Variants in GPC6 observed in about 807,000 individuals in gnomAD.
GPC6 encodes the protein glypican-6.
Under a neutral mutation model 55.2 loss-of-function variants are expected in GPC6, and 14 were observed. That is an observed-to-expected ratio of 0.25 (90% CI 0.17 to 0.40). The LOEUF (loss-of-function observed/expected upper bound fraction) is 0.40. Among genes scored for constraint, GPC6 ranks in the 10% least tolerant of loss-of-function variants. The pLI, the probability that GPC6 is intolerant of heterozygous loss-of-function variation, is 1.00. For synonymous variants in GPC6, 278 were observed against 259.6 expected (o/e 1.07, Z -0.68); for missense variants, 641 against 708.5 (o/e 0.90, Z 1.08).
At chr13:94,218,390 G>A (rs1390524204) in intron 4 of GPC6, among the ~76,000 whole-genome samples, 1 of 152,118 alleles carries the variant, frequency 6.6e-6, no homozygotes, top group Non-Finnish European at 1.5e-5. Context: ...ACTGCTTGAG[G>A]CTGAATCTTT....
intron 4 of GPC6, among the ~76,000 whole-genome samples, chr13:94,152,420 A>G (rs2138897941): frequency 6.6e-6 from 1 of 152,292 alleles, no homozygotes; most frequent in South Asian, 2.1e-4. Flanking sequence ...TAGATTAAAA[A>G]GTCACTCATT....
chr13:93,454,918 C>T (rs990001162), intron 1 of GPC6, among the ~76,000 whole-genome samples: 1 of 152,230 alleles, frequency 6.6e-6, no homozygotes, highest in South Asian at 2.1e-4. Flanking sequence ...CTGCAGGTCC[C>T]GAGCCCTGTC....
chr13:94,133,046 G>C (rs1209479668), intron 4 of GPC6, among the ~76,000 whole-genome samples: 3 of 152,084 alleles, frequency 2.0e-5, no homozygotes, highest in Non-Finnish European at 2.9e-5. Context: ...TCTAGCTTCT[G>C]AAATATTATT....
At chr13:93,494,014 A>T (rs1383082754) in intron 1 of GPC6, among the ~76,000 whole-genome samples, 1 of 128,794 alleles carries the variant, frequency 7.8e-6, no homozygotes, top group African/African-American at 2.9e-5. Context: ...TTTGTGGTGG[A>T]GAGTTCTGTA....
intron 1 of GPC6, among the ~76,000 whole-genome samples, chr13:93,251,984 A>G (rs1287258390): frequency 2.6e-5 from 4 of 152,144 alleles, no homozygotes; most frequent in Non-Finnish European, 4.4e-5. Flanking sequence ...TGTTGTTTTT[A>G]CCATCAGGAG....
chr13:93,232,245 G>T (rs1387251341), intron 1 of GPC6, among the ~76,000 whole-genome samples: 1 of 152,010 alleles, frequency 6.6e-6, no homozygotes, highest in Non-Finnish European at 1.5e-5. Context: ...CTGGTTCAAA[G>T]ATTTCTTATT....
chr13:93,970,159 T>A (rs1309803093), intron 3 of GPC6, among the ~76,000 whole-genome samples: 4 of 152,190 alleles, frequency 2.6e-5, no homozygotes, highest in East Asian at 1.9e-4. Flanking sequence ...ATAGAGTGTG[T>A]GCCTAAATTA....
chr13:93,411,237 C>T (rs1225547573), intron 1 of GPC6, among the ~76,000 whole-genome samples: 2 of 152,126 alleles, frequency 1.3e-5, no homozygotes, highest in Admixed American at 1.3e-4. Context: ...CAACAGACAC[C>T]ATACCTGCTG....
chr13:93,748,655 G>A (rs1383427138), intron 2 of GPC6, among the ~76,000 whole-genome samples: 1 of 151,974 alleles, frequency 6.6e-6, no homozygotes, highest in African/African-American at 2.4e-5. Flanking sequence ...ATTATTAGCA[G>A]TAATTCACAA....
intron 2 of GPC6, among the ~76,000 whole-genome samples, chr13:93,593,881 T>C (rs1877602954): frequency 6.6e-6 from 1 of 152,136 alleles, no homozygotes. Context: ...TGTACTGAAA[T>C]ATTTGTTATT....
At chr13:94,105,666 G>A (rs576745610) in intron 4 of GPC6, among the ~76,000 whole-genome samples, 92 of 152,288 alleles carry the variant, frequency 6.0e-4, no homozygotes, top group African/African-American at 1.9e-3. Flanking sequence ...AGTTTAGGGC[G>A]TGGTTGGAAG....
At chr13:93,515,512 A>G (rs181576980) in intron 1 of GPC6, among the ~76,000 whole-genome samples, 363 of 152,312 alleles carry the variant, frequency 2.4e-3, no homozygotes, top group Non-Finnish European at 4.2e-3. Flanking sequence ...ACCAATGGCT[A>G]ACTTCAGAAA....
intron 3 of GPC6, among the ~76,000 whole-genome samples, chr13:93,924,197 T>C (rs1877726449): frequency 6.6e-6 from 1 of 152,266 alleles, no homozygotes; most frequent in African/African-American, 2.4e-5. Context: ...ATACATTTGA[T>C]ATACAGTATG....
chr13:94,041,806 T>G (rs75863156), intron 4 of GPC6, among the ~76,000 whole-genome samples: 1,918 of 152,008 alleles, frequency 0.013, 45 homozygotes, highest in South Asian at 0.076. Context: ...ATTCTCGATC[T>G]TCCTAAAGTC....
chr13:93,898,940 A>AATATATATATATATAT (rs66531953), intron 3 of GPC6, among the ~76,000 whole-genome samples: 74 of 136,642 alleles, frequency 5.4e-4, no homozygotes, highest in East Asian at 3.1e-3. Flanking sequence ...ATTATATATA[A>AATATATATATATATAT]ATATATATAT....
At chr13:93,601,183 G>A (rs1878001361) in intron 2 of GPC6, among the ~76,000 whole-genome samples, 1 of 151,688 alleles carries the variant, frequency 6.6e-6, no homozygotes, top group Non-Finnish European at 1.5e-5. Context: ...AAGGTCAGGA[G>A]TTCGAGCCTG....
chr13:94,149,447 C>T (rs1015104495), intron 4 of GPC6, among the ~76,000 whole-genome samples: 2 of 152,086 alleles, frequency 1.3e-5, no homozygotes, highest in Non-Finnish European at 2.9e-5. Flanking sequence ...TCACATATGC[C>T]TTGTGTGCCT....
At chr13:93,813,177 A>G (rs1886750318) in intron 2 of GPC6, among the ~76,000 whole-genome samples, 1 of 152,200 alleles carries the variant, frequency 6.6e-6, no homozygotes, top group Non-Finnish European at 1.5e-5. Context: ...TACCAGATAA[A>G]TGAAAAAAAT....
chr13:93,925,361 G>C (rs1173471646), intron 3 of GPC6, among the ~76,000 whole-genome samples: 1 of 152,118 alleles, frequency 6.6e-6, no homozygotes, highest in African/African-American at 2.4e-5. Flanking sequence ...TTTTGTAAAA[G>C]TCTGCAACTA....
Sources: gnomAD v4.1 joint callset for allele counts (sites outside exome capture counted in the v4.1 genomes callset) on GRCh38, gnomAD v4.1.1 for gene constraint, MANE v1.5 for transcripts, NCBI Gene and HGNC (gene_info 2026-07-23, HGNC 2026-07-21) for gene names.